MAPRE2: variants seen among roughly 807,000 people sequenced by gnomAD.
The protein encoded by MAPRE2 is microtubule-associated protein RP/EB family member 2.
In MAPRE2, 13 loss-of-function variants were observed where a neutral mutation model predicts 43.2. That is an observed-to-expected ratio of 0.30 (90% confidence interval 0.20 to 0.48). MAPRE2 has a LOEUF of 0.48. Among genes scored for constraint, MAPRE2 ranks in the 20% least tolerant of loss-of-function variants. The pLI is 0.99. For missense variants in MAPRE2, 161 were observed against 400.2 expected (o/e 0.40, Z 5.10); for synonymous variants, 135 against 148.8 (o/e 0.91, Z 0.68).
chr18:35,079,448 T>C (rs1437404983), intron 2 of MAPRE2, among the ~76,000 whole-genome samples: 2 of 152,232 alleles, frequency 1.3e-5, no homozygotes, highest in Non-Finnish European at 2.9e-5. Flanking sequence ...GATGGTTTCT[T>C]AGTCTTACGT....
intron 1 of MAPRE2, among the ~76,000 whole-genome samples, chr18:35,064,000 T>TAAAAAAAAAAAAAAAAAAAAAAAAA (rs575347953): frequency 5.9e-5 from 2 of 33,970 alleles, no homozygotes; most frequent in African/African-American, 1.2e-4. Flanking sequence ...CCTGTCTCTT[T>TAAAAAAAAAAAAAAAAAAAAAAAAA]AAAAAAAAAA....
chr18:35,069,449 CACTT>C (rs943036269), intron 1 of MAPRE2, among the ~76,000 whole-genome samples: 9 of 151,904 alleles, frequency 5.9e-5, no homozygotes, highest in African/African-American at 2.2e-4. Flanking sequence ...TGATTATTGG[CACTT>C]ACTCCAAAAT....
chr18:35,115,429 G>A (rs61411177), intron 4 of MAPRE2, among the ~76,000 whole-genome samples: 4,540 of 152,122 alleles, frequency 0.03, 234 homozygotes, highest in African/African-American at 0.1. Context: ...TGGATAAGTC[G>A]TTTTATGGAG....
chr18:35,127,237 G>C, intron 5 of MAPRE2, 150 bp downstream of exon 5: 1 of 727,046 alleles, frequency 1.4e-6, no homozygotes, highest in South Asian at 2.0e-5. Flanking sequence ...ATTGTTCGAA[G>C]ACAAAATCAG....
At chr18:35,012,238 A>G (rs1037431341) in intron 2 of MAPRE2, among the ~76,000 whole-genome samples, 2 of 152,206 alleles carry the variant, frequency 1.3e-5, no homozygotes, top group African/African-American at 2.4e-5. Flanking sequence ...AGATATAGAT[A>G]TCTTTATGTA....
At position 35,087,634 on chromosome 18, in the gene MAPRE2, T is replaced by G. The variant is rs148318524; in HGVS notation, c.251-9812T>G. Among the ~76,000 whole-genome samples the G allele has an allele frequency of 7.6e-4, 116 of 152,296 alleles. 1 individual carries two copies. Among genetic ancestry groups the G allele is most frequent in the African/African-American group, 2.7e-3 (113 of 41,568 alleles). On this transcript the variant is annotated intron_variant, in intron 2 of 6. Transcript: ENST00000300249. ...TGTTGTGGTTCAACTGCTATGCAGA[T>G]CTTCATTCATTAGCCAGATATTTAT...
chr18:35,106,905 CATG>C (rs1344297683), intron 4 of MAPRE2, among the ~76,000 whole-genome samples: 13 of 152,254 alleles, frequency 8.5e-5, no homozygotes, highest in East Asian at 7.7e-4. Context: ...CATTGTGAAT[CATG>C]ATGTTTGTAA....
At position 35,062,596 on chromosome 18, in the gene MAPRE2, G is replaced by T. The variant is rs185673986; in HGVS notation, c.123-7599G>T. Among the ~76,000 whole-genome samples, 677 of 152,274 alleles carry T rather than the reference G, an allele frequency of 4.4e-3. 4 individuals are homozygous for T. Among genetic ancestry groups the T allele is most frequent in the Non-Finnish European group, 7.4e-3 (506 of 68,016 alleles). On this transcript the variant is annotated intron_variant, in intron 1 of 6. Transcript: ENST00000300249. The stretch of plus-strand genomic sequence containing the variant: ...AGAACTGACAGTGTGGCCTTGACCT[G>T]GACCGAGCGAAAGTCCAGTGACTGG...
At chr18:35,047,435 T>G (rs982105583) in intron 1 of MAPRE2, among the ~76,000 whole-genome samples, 16 of 152,152 alleles carry the variant, frequency 1.1e-4, no homozygotes, top group African/African-American at 3.9e-4. Flanking sequence ...GTTTCTTAGC[T>G]CATTTTAAAA....
Position 35,132,023 on chromosome 18 carries a change from C to A in MAPRE2, c.751-9C>A, listed in dbSNP as rs761632646. The A allele has an allele frequency of 6.2e-6, 10 of 1,613,838 alleles. No individual in the cohort carries two copies. The highest frequency in any genetic ancestry group is 5.9e-6 in the Non-Finnish European group (7 of 1,179,886). ...GTGGTTTTTTTTCTTCACTCTCACT[C>A]CCTTGCAGGTACATTCATTAAAACT... On this transcript the variant is annotated splice_polypyrimidine_tract_variant and intron_variant, in intron 5 of 6. Coordinates refer to ENST00000300249, the MANE Select transcript of MAPRE2 (RefSeq NM_014268.4).
intron 1 of MAPRE2, among the ~76,000 whole-genome samples, chr18:34,985,359 AATATAAT>A (rs2097019651): frequency 2.5e-5 from 1 of 39,650 alleles, no homozygotes; most frequent in Non-Finnish European, 4.1e-5. Flanking sequence ...TTATATATAT[AATATAAT>A]ATATAATATA....
At chr18:35,124,120 A>G (rs1198089159) in intron 4 of MAPRE2, among the ~76,000 whole-genome samples, 2 of 152,164 alleles carry the variant, frequency 1.3e-5, no homozygotes, top group Non-Finnish European at 2.9e-5. Context: ...AGACAGGATA[A>G]TTTATAAAGA....
At chr18:34,977,289 C>T (rs1159415738) in intron 1 of MAPRE2, among the ~76,000 whole-genome samples, 1 of 152,180 alleles carries the variant, frequency 6.6e-6, no homozygotes, top group African/African-American at 2.4e-5. Flanking sequence ...GTGTGCACCC[C>T]GCCGCTCTCC....
intron 2 of MAPRE2, among the ~76,000 whole-genome samples, chr18:35,088,011 G>A (rs1033991726): frequency 5.9e-5 from 9 of 152,138 alleles, no homozygotes; most frequent in African/African-American, 1.9e-4. Context: ...CCCAAGAATG[G>A]CATTCATCCA....
At chr18:35,048,574 A>G (rs1194053933) in intron 1 of MAPRE2, among the ~76,000 whole-genome samples, 1 of 149,748 alleles carries the variant, frequency 6.7e-6, no homozygotes, top group African/African-American at 2.4e-5. Context: ...AGTAACATAT[A>G]TGTATTATAT....
chr18:35,093,161 G>A (rs1035081353), intron 2 of MAPRE2, among the ~76,000 whole-genome samples: 4 of 130,774 alleles, frequency 3.1e-5, no homozygotes, highest in Admixed American at 2.7e-4. Context: ...GCAGTGAGCC[G>A]AGATCATGAC....
chr18:35,000,773 A>G (rs1173844851), intron 1 of MAPRE2, among the ~76,000 whole-genome samples: 6 of 152,194 alleles, frequency 3.9e-5, no homozygotes, highest in Admixed American at 1.3e-4. Context: ...TAGTGCTCAC[A>G]ATGGCTAAAG....
intron 4 of MAPRE2, among the ~76,000 whole-genome samples, chr18:35,104,972 C>A (rs966998846): frequency 6.6e-6 from 1 of 151,976 alleles, no homozygotes; most frequent in Non-Finnish European, 1.5e-5. Context: ...TTGGACAGAC[C>A]TCAGAATATT....
intron 5 of MAPRE2, among the ~76,000 whole-genome samples, chr18:35,131,070 C>G (rs1910122235): frequency 6.6e-6 from 1 of 152,228 alleles, no homozygotes; most frequent in Non-Finnish European, 1.5e-5. Context: ...AAAGCCCGAA[C>G]TAGAGAAATT....
Sources: allele counts gnomAD v4.1 joint callset (sites outside exome capture counted in the v4.1 genomes callset), GRCh38; gene constraint gnomAD v4.1.1; transcripts MANE v1.5; gene names NCBI Gene and HGNC (gene_info 2026-07-23, HGNC 2026-07-21).